The following TSEN15 variants were observed in gnomAD, a reference collection of about 807,000 sequenced individuals.
TSEN15 encodes tRNA splicing endonuclease subunit 15.
A neutral mutation model predicts 20.5 loss-of-function variants in TSEN15; 10 were observed. The observed-to-expected ratio is 0.49, with a 90% CI of 0.30 to 0.83. The LOEUF (loss-of-function observed/expected upper bound fraction) is 0.83, where lower values mean the gene tolerates loss of function less well. Among genes scored for constraint, TSEN15 ranks in the 40% least tolerant of loss-of-function variants. TSEN15 has a pLI of 0.06. For missense variants in TSEN15, 180 were observed against 218.6 expected (o/e 0.82, Z 1.11); for synonymous variants, 72 against 80.1 (o/e 0.90, Z 0.54).
chr1:184,087,363 T>A (rs529156856), intron 3 of TSEN15, among the ~76,000 whole-genome samples: 31 of 152,358 alleles, frequency 2.0e-4, no homozygotes, highest in Middle Eastern at 3.4e-3. Flanking sequence ...TCCTTTGGTT[T>A]GGACTAGCAC....
chr1:184,077,151 C>A (rs1179508697), downstream of TSEN15, among the ~76,000 whole-genome samples: 1 of 151,958 alleles, frequency 6.6e-6, no homozygotes, highest in Non-Finnish European at 1.5e-5. Flanking sequence ...AAAGGATGGG[C>A]TAATTCTCTT....
chr1:184,084,362 T>C (rs954007827), intron 3 of TSEN15, among the ~76,000 whole-genome samples: 8 of 151,850 alleles, frequency 5.3e-5, no homozygotes, highest in African/African-American at 1.9e-4. Context: ...GTCCATTTTG[T>C]TGTTTGATAT....
At chr1:184,058,900 TAAC>T (rs1362659545) in intron 3 of TSEN15, among the ~76,000 whole-genome samples, 1 of 152,202 alleles carries the variant, frequency 6.6e-6, no homozygotes, top group Non-Finnish European at 1.5e-5. Flanking sequence ...TTTTTGGTCT[TAAC>T]AATTATTTAT....
At chr1:184,061,922 G>A (rs1650470821) in intron 3 of TSEN15, among the ~76,000 whole-genome samples, 1 of 152,094 alleles carries the variant, frequency 6.6e-6, no homozygotes, top group South Asian at 2.1e-4. Context: ...GCACAAGTAC[G>A]TTTTGTGTTT....
At chr1:184,095,266 C>A in intron 3 of TSEN15, 3 of 396,294 alleles carry the variant, frequency 7.6e-6, no homozygotes, top group Non-Finnish European at 8.9e-6. Flanking sequence ...TGCTCCATAA[C>A]TCCACTTCTC....
intron 2 of TSEN15, 140 bp downstream of exon 2, chr1:184,054,575 G>T: frequency 8.7e-7 from 1 of 1,151,074 alleles, no homozygotes; most frequent in Non-Finnish European, 1.2e-6. Context: ...TATTTACATT[G>T]GGAATTACTG....
At chr1:184,058,274 T>A in intron 3 of TSEN15, 1 of 362,322 alleles carries the variant, frequency 2.8e-6, no homozygotes, top group Non-Finnish European at 5.3e-6. Flanking sequence ...ATTTAATAAC[T>A]GAGAGAGCTT....
intron 3 of TSEN15, among the ~76,000 whole-genome samples, chr1:184,083,089 T>C (rs1651198383): frequency 6.6e-6 from 1 of 152,200 alleles, no homozygotes; most frequent in African/African-American, 2.4e-5. Flanking sequence ...CTAATGATAA[T>C]GCAGTATTTG....
chr1:184,072,335 A>G, intron 4 of TSEN15, 37 bp downstream of exon 4: 1 of 1,571,670 alleles, frequency 6.4e-7, no homozygotes, highest in Non-Finnish European at 8.6e-7. Context: ...GAAGTACAAA[A>G]AGAGGAAAAT....
At chr1:184,056,753 T>G (rs1410112097) in intron 3 of TSEN15, among the ~76,000 whole-genome samples, 2 of 152,198 alleles carry the variant, frequency 1.3e-5, no homozygotes, top group Non-Finnish European at 2.9e-5. Flanking sequence ...CTTTCCTCAC[T>G]ATCTGACATA....
At chr1:184,088,255 C>A (rs1651299331) in intron 3 of TSEN15, among the ~76,000 whole-genome samples, 1 of 152,018 alleles carries the variant, frequency 6.6e-6, no homozygotes, top group South Asian at 2.1e-4. Context: ...GCTCCCTGGG[C>A]AGGCTGTGAA....
chr1:184,067,986 A>C (rs1350901374), intron 3 of TSEN15, among the ~76,000 whole-genome samples: 1 of 144,400 alleles, frequency 6.9e-6, no homozygotes, highest in African/African-American at 2.5e-5. Flanking sequence ...ATATGTATGT[A>C]TCTGCAAAAT....
chr1:184,063,613 G>T (rs1650543519), intron 3 of TSEN15, among the ~76,000 whole-genome samples: 1 of 151,986 alleles, frequency 6.6e-6, no homozygotes, highest in Non-Finnish European at 1.5e-5. Flanking sequence ...ATGAATTTTA[G>T]TTATTTTTTC....
chr1:184,087,922 A>T (rs961771421), intron 3 of TSEN15, among the ~76,000 whole-genome samples: 2 of 152,176 alleles, frequency 1.3e-5, no homozygotes, highest in Admixed American at 1.3e-4. Flanking sequence ...AGTATCGGAG[A>T]TGGAGGAGAA....
At chr1:184,062,321 C>T (rs1293400886) in intron 3 of TSEN15, among the ~76,000 whole-genome samples, 6 of 152,152 alleles carry the variant, frequency 3.9e-5, no homozygotes, top group African/African-American at 1.2e-4. Context: ...CATGAAGCAA[C>T]TTTGGTAAAT....
At chr1:184,085,554 T>G (rs1342835436) in intron 3 of TSEN15, among the ~76,000 whole-genome samples, 1 of 152,158 alleles carries the variant, frequency 6.6e-6, no homozygotes, top group Non-Finnish European at 1.5e-5. Flanking sequence ...GAATGCAATT[T>G]TAGTTAGGGT....
chr1:184,079,077 C>T (rs1651116172), downstream of TSEN15, among the ~76,000 whole-genome samples: 2 of 152,138 alleles, frequency 1.3e-5, no homozygotes, highest in Admixed American at 6.5e-5. Context: ...ATTAATAGTA[C>T]AATTTCCCTT....
At chr1:184,075,290 C>T (rs925788670), downstream of TSEN15, among the ~76,000 whole-genome samples, 1 of 152,112 alleles carries the variant, frequency 6.6e-6, no homozygotes, top group Non-Finnish European at 1.5e-5. Flanking sequence ...CACATCCTAA[C>T]ATGAATAATG....
chr1:184,060,054 T>C (rs904646296), intron 3 of TSEN15, among the ~76,000 whole-genome samples: 2 of 152,166 alleles, frequency 1.3e-5, no homozygotes, highest in Non-Finnish European at 1.5e-5. Flanking sequence ...ATGGGAAACA[T>C]GGGCAAAGAA....
Sources: allele counts gnomAD v4.1 joint callset (sites outside exome capture counted in the v4.1 genomes callset), GRCh38; gene constraint gnomAD v4.1.1; transcripts MANE v1.5; gene names NCBI Gene and HGNC (gene_info 2026-07-23, HGNC 2026-07-21).